The following CHRM3 variants were observed in gnomAD, a reference collection of about 807,000 sequenced individuals.
CHRM3 encodes cholinergic receptor muscarinic 3.
A neutral mutation model predicts 41.8 loss-of-function variants in CHRM3; 11 were observed. The ratio of observed to expected loss-of-function variants is 0.26; its 90% confidence interval spans 0.17 to 0.44. CHRM3 has a LOEUF of 0.44. Ranked by LOEUF, CHRM3 falls within the 20% of genes least tolerant of loss-of-function variation. The probability of loss-of-function intolerance (pLI) is 1.00; values close to 1 mark genes in which losing one functional copy is unlikely to be tolerated. For synonymous variants in CHRM3, 297 were observed against 301.4 expected (o/e 0.99, Z 0.15); for missense variants, 571 against 745.4 (o/e 0.77, Z 2.72).
At chr1:239,466,764 G>A (rs753500532) in intron 1 of CHRM3, among the ~76,000 whole-genome samples, 8 of 152,032 alleles carry the variant, frequency 5.3e-5, no homozygotes, top group African/African-American at 9.6e-5. Flanking sequence ...GTATCTAGCC[G>A]CATTTAGTAT....
chr1:239,716,685 T>A, intron 5 of CHRM3, among the ~76,000 whole-genome samples: 1 of 150,598 alleles, frequency 6.6e-6, no homozygotes, highest in African/African-American at 2.4e-5. Flanking sequence ...GGTCCTAAAA[T>A]AGAATTAAAA....
intron 4 of CHRM3, among the ~76,000 whole-genome samples, chr1:239,650,640 T>C (rs1393968203): frequency 6.6e-6 from 1 of 152,190 alleles, no homozygotes; most frequent in African/African-American, 2.4e-5. Flanking sequence ...AGGACAAGCA[T>C]TTCATTTGAG....
chr1:239,398,113 G>A (rs554339675), intron 1 of CHRM3, among the ~76,000 whole-genome samples: 6 of 152,140 alleles, frequency 3.9e-5, no homozygotes, highest in African/African-American at 1.2e-4. Flanking sequence ...CCTAGAGATA[G>A]CAGCAAAGGA....
chr1:239,729,037 A>T (rs965791168), intron 5 of CHRM3, among the ~76,000 whole-genome samples: 1 of 151,938 alleles, frequency 6.6e-6, no homozygotes, highest in South Asian at 2.1e-4. Context: ...ACTAATACTC[A>T]TAAGAACTCA....
At chr1:239,584,327 C>T (rs1442644205) in intron 3 of CHRM3, among the ~76,000 whole-genome samples, 1 of 151,988 alleles carries the variant, frequency 6.6e-6, no homozygotes, top group East Asian at 1.9e-4. Context: ...TGGTCTCGAA[C>T]ACCTGATCTC....
At chr1:239,652,654 T>C (rs1672341914) in intron 4 of CHRM3, among the ~76,000 whole-genome samples, 1 of 151,138 alleles carries the variant, frequency 6.6e-6, no homozygotes, top group African/African-American at 2.4e-5. Context: ...AAAAAAAAGA[T>C]TTAACTGCAG....
intron 5 of CHRM3, among the ~76,000 whole-genome samples, chr1:239,751,186 C>T (rs951388840): frequency 1.3e-5 from 2 of 149,776 alleles, no homozygotes; most frequent in Non-Finnish European, 3.0e-5. Context: ...TGCAGTGAGC[C>T]GACATCGCGC....
intron 3 of CHRM3, chr1:239,605,879 T>C (rs1666185428): frequency 6.6e-6 from 1 of 152,216 alleles, no homozygotes; most frequent in South Asian, 2.1e-4. Flanking sequence ...ATAAACATCA[T>C]TCAAAGTCAC....
chr1:239,444,038 C>G (rs1663936108), intron 1 of CHRM3, among the ~76,000 whole-genome samples: 2 of 152,120 alleles, frequency 1.3e-5, no homozygotes, highest in Admixed American at 1.3e-4. Context: ...TAATTGCAGT[C>G]ACAATTTTTG....
intron 3 of CHRM3, among the ~76,000 whole-genome samples, chr1:239,615,219 T>C (rs925743081): frequency 3.3e-5 from 5 of 152,216 alleles, no homozygotes. Context: ...ACTTTATGTA[T>C]GCTACTTTAT....
At chr1:239,755,235 T>C (rs1242978750) in intron 5 of CHRM3, among the ~76,000 whole-genome samples, 1 of 152,216 alleles carries the variant, frequency 6.6e-6, no homozygotes, top group Non-Finnish European at 1.5e-5. Flanking sequence ...GTGATCAACA[T>C]TCTGAAAGGT....
At chr1:239,426,056 G>A (rs1662345899) in intron 1 of CHRM3, among the ~76,000 whole-genome samples, 1 of 150,752 alleles carries the variant, frequency 6.6e-6, no homozygotes, top group African/African-American at 2.4e-5. Context: ...AGTTACATAT[G>A]TATACACGTG....
chr1:239,783,534 G>A (rs1278792790), intron 5 of CHRM3, among the ~76,000 whole-genome samples: 2 of 151,982 alleles, frequency 1.3e-5, no homozygotes, highest in African/African-American at 4.8e-5. Context: ...GGGATTCCAG[G>A]TTACTCCCTA....
chr1:239,439,941 T>C (rs1284853398), intron 1 of CHRM3, among the ~76,000 whole-genome samples: 1 of 152,190 alleles, frequency 6.6e-6, no homozygotes, highest in Non-Finnish European at 1.5e-5. Flanking sequence ...GGCTCATGCC[T>C]GTAATCCCAG....
At chr1:239,623,100 A>C (rs2148822758) in intron 3 of CHRM3, among the ~76,000 whole-genome samples, 1 of 152,124 alleles carries the variant, frequency 6.6e-6, no homozygotes, top group African/African-American at 2.4e-5. Context: ...GATTGTTAGT[A>C]TTTTCTAGCA....
intron 4 of CHRM3, among the ~76,000 whole-genome samples, chr1:239,644,370 G>A (rs1260592283): frequency 6.6e-6 from 1 of 151,468 alleles, no homozygotes; most frequent in Non-Finnish European, 1.5e-5. Context: ...GCTCTGTCCT[G>A]TTCCCCCAGG....
At chr1:239,634,126 G>A (rs1352858637) in intron 4 of CHRM3, among the ~76,000 whole-genome samples, 1 of 152,148 alleles carries the variant, frequency 6.6e-6, no homozygotes, top group Non-Finnish European at 1.5e-5. Context: ...GCTGATCCCT[G>A]TACACAGCTG....
At chr1:239,713,684 C>T (rs1662044546) in intron 5 of CHRM3, among the ~76,000 whole-genome samples, 1 of 152,134 alleles carries the variant, frequency 6.6e-6, no homozygotes, top group African/African-American at 2.4e-5. Context: ...CTATATCATA[C>T]TGTTATGTCA....
intron 6 of CHRM3, among the ~76,000 whole-genome samples, chr1:239,888,378 A>T (rs1431765419): frequency 6.6e-6 from 1 of 151,824 alleles, no homozygotes; most frequent in Non-Finnish European, 1.5e-5. Context: ...CAAAAAAAAA[A>T]GGAAAAAAGA....
Sources: allele counts gnomAD v4.1 joint callset (sites outside exome capture counted in the v4.1 genomes callset), GRCh38; gene constraint gnomAD v4.1.1; transcripts MANE v1.5; gene names NCBI Gene and HGNC (gene_info 2026-07-23, HGNC 2026-07-21).